Variants in ASIC2 observed in about 807,000 individuals in gnomAD.
ASIC2 encodes the protein acid sensing ion channel subunit 2.
A neutral mutation model predicts 57.3 loss-of-function variants in ASIC2; 25 were observed. The observed-to-expected ratio is 0.44, with a 90% CI of 0.32 to 0.61. The LOEUF is 0.61. ASIC2 is among the 20% of genes least tolerant of loss of function. The probability of loss-of-function intolerance (pLI) is 0.06; values close to 1 mark genes in which losing one functional copy is unlikely to be tolerated. For synonymous variants in ASIC2, 319 were observed against 307.5 expected (o/e 1.04, Z -0.39); for missense variants, 641 against 738.1 (o/e 0.87, Z 1.52).
At chr17:33,160,375 A>T (rs80221267) in intron 1 of ASIC2, among the ~76,000 whole-genome samples, 6,933 of 152,064 alleles carry the variant, frequency 0.046, 188 homozygotes, top group Non-Finnish European at 0.069. Flanking sequence ...AGTTGTAGAA[A>T]CTCTGAACTC....
intron 1 of ASIC2, among the ~76,000 whole-genome samples, chr17:33,760,099 A>T (rs1910736068): frequency 6.6e-6 from 1 of 152,222 alleles, no homozygotes; most frequent in Non-Finnish European, 1.5e-5. Flanking sequence ...CTGTCTCACC[A>T]GAGCAGTTTG....
intron 1 of ASIC2, among the ~76,000 whole-genome samples, chr17:33,973,844 C>T (rs1905290923): frequency 6.6e-6 from 1 of 152,108 alleles, no homozygotes; most frequent in Non-Finnish European, 1.5e-5. Flanking sequence ...ACAGGACACC[C>T]AAACAGGGCC....
intron 1 of ASIC2, chr17:33,828,513 C>T (rs1913010495): frequency 6.6e-6 from 1 of 152,150 alleles, no homozygotes; most frequent in South Asian, 2.1e-4. Context: ...AAGATTATGG[C>T]ATGAAACCTC....
chr17:33,982,642 G>A (rs568294498), intron 1 of ASIC2, among the ~76,000 whole-genome samples: 10 of 152,262 alleles, frequency 6.6e-5, no homozygotes, highest in South Asian at 2.1e-4. Context: ...TGCATAGGTC[G>A]TTTCCTATCA....
intron 1 of ASIC2, among the ~76,000 whole-genome samples, chr17:33,441,056 C>T (rs552094361): frequency 3.2e-4 from 48 of 152,158 alleles, no homozygotes; most frequent in Non-Finnish European, 5.4e-4. Context: ...GTAGGCTTGA[C>T]CTCCTGGGCT....
chr17:33,503,806 A>G (rs1914170106), intron 1 of ASIC2, among the ~76,000 whole-genome samples: 1 of 152,224 alleles, frequency 6.6e-6, no homozygotes, highest in South Asian at 2.1e-4. Flanking sequence ...GTTTTCATCT[A>G]TAAAACACAG....
At chr17:33,435,527 T>C (rs1390283063) in intron 1 of ASIC2, among the ~76,000 whole-genome samples, 1 of 152,184 alleles carries the variant, frequency 6.6e-6, no homozygotes, top group Non-Finnish European at 1.5e-5. Flanking sequence ...CAGGCCCTCC[T>C]ACCCCCACTG....
chr17:33,980,368 C>T (rs535008091), intron 1 of ASIC2, among the ~76,000 whole-genome samples: 9 of 152,116 alleles, frequency 5.9e-5, no homozygotes, highest in Non-Finnish European at 1.3e-4. Flanking sequence ...CAAAGAACTT[C>T]CCCAGATGAG....
At chr17:33,356,237 T>A (rs1336224561) in intron 1 of ASIC2, among the ~76,000 whole-genome samples, 1 of 152,122 alleles carries the variant, frequency 6.6e-6, no homozygotes, top group Non-Finnish European at 1.5e-5. Context: ...GGTACTTTAA[T>A]TAATTCTTTT....
At chr17:33,127,242 G>A (rs983140470) in intron 1 of ASIC2, among the ~76,000 whole-genome samples, 7 of 152,172 alleles carry the variant, frequency 4.6e-5, no homozygotes, top group South Asian at 2.1e-4. Flanking sequence ...CTCTCTCAAC[G>A]TCATGCAGCA....
chr17:33,910,273 T>C (rs1376398219), intron 1 of ASIC2, among the ~76,000 whole-genome samples: 1 of 152,170 alleles, frequency 6.6e-6, no homozygotes, highest in Non-Finnish European at 1.5e-5. Context: ...GAGCACTCAC[T>C]GTGTGGCAGA....
At chr17:33,316,246 A>C (rs1906640316) in intron 1 of ASIC2, among the ~76,000 whole-genome samples, 1 of 152,178 alleles carries the variant, frequency 6.6e-6, no homozygotes, top group Non-Finnish European at 1.5e-5. Context: ...AGACCTGAAC[A>C]TGTCTCTCCT....
intron 1 of ASIC2, among the ~76,000 whole-genome samples, chr17:33,528,842 G>A (rs1338909509): frequency 6.6e-6 from 1 of 152,150 alleles, no homozygotes; most frequent in Non-Finnish European, 1.5e-5. Flanking sequence ...AACTCGTCAC[G>A]AAGGTCTTAA....
intron 1 of ASIC2, among the ~76,000 whole-genome samples, chr17:33,760,523 T>C (rs539682370): frequency 6.0e-5 from 9 of 150,978 alleles, no homozygotes; most frequent in Non-Finnish European, 1.0e-4. Context: ...GCTATATATG[T>C]GTGTGTGTGT....
At chr17:33,253,422 C>A (rs1214233396) in intron 1 of ASIC2, among the ~76,000 whole-genome samples, 2 of 152,100 alleles carry the variant, frequency 1.3e-5, no homozygotes, top group Non-Finnish European at 2.9e-5. Flanking sequence ...AGGAGCTAGA[C>A]CAGAGCTGAA....
chr17:33,029,751 T>C (rs566917121), intron 3 of ASIC2, among the ~76,000 whole-genome samples: 28 of 152,352 alleles, frequency 1.8e-4, no homozygotes, highest in African/African-American at 6.5e-4. Flanking sequence ...TTTCCACCAG[T>C]AGTGTCTGAG....
intron 1 of ASIC2, among the ~76,000 whole-genome samples, chr17:33,554,111 T>C (rs1915833096): frequency 6.6e-6 from 1 of 152,246 alleles, no homozygotes. Flanking sequence ...AATTCTCTAA[T>C]GCCTGGGGAA....
At chr17:33,898,501 G>A (rs1410041940) in intron 1 of ASIC2, among the ~76,000 whole-genome samples, 1 of 151,984 alleles carries the variant, frequency 6.6e-6, no homozygotes, top group Non-Finnish European at 1.5e-5. Flanking sequence ...CTCCCAAAGT[G>A]CTGGGATTAC....
intron 1 of ASIC2, among the ~76,000 whole-genome samples, chr17:33,361,259 C>G (rs62069386): frequency 6.6e-5 from 10 of 152,040 alleles, no homozygotes; most frequent in Non-Finnish European, 1.3e-4. Context: ...AAAGGGGAAG[C>G]CCACTTGGGA....
Sources: gnomAD v4.1 joint callset for allele counts (sites outside exome capture counted in the v4.1 genomes callset) on GRCh38, gnomAD v4.1.1 for gene constraint, MANE v1.5 for transcripts, NCBI Gene and HGNC (gene_info 2026-07-23, HGNC 2026-07-21) for gene names.